Variants in RTN4R observed in about 807,000 individuals in gnomAD.
RTN4R encodes reticulon 4 receptor.
In RTN4R, 4 loss-of-function variants were observed where a neutral mutation model predicts 27.7. That is an observed-to-expected ratio of 0.14 (90% confidence interval 0.07 to 0.33). RTN4R has a LOEUF of 0.33. Ranked by LOEUF, RTN4R falls within the 10% of genes least tolerant of loss-of-function variation. The probability of loss-of-function intolerance (pLI) is 1.00; values close to 1 mark genes in which losing one functional copy is unlikely to be tolerated. For synonymous variants in RTN4R, 290 were observed against 305.6 expected (o/e 0.95, Z 0.53); for missense variants, 554 against 671.5 (o/e 0.83, Z 1.93).
intron 1 of RTN4R, chr22:20,243,592 T>G: frequency 2.3e-6 from 1 of 431,004 alleles, no homozygotes; most frequent in Non-Finnish European, 4.8e-6. Context: ...GGCGCCTGGA[T>G]GCCCGAGGGC....
chr22:20,241,928 C>G lies in RTN4R; in HGVS notation c.1205G>C (p.Gly402Ala). 1 of 1,605,924 alleles carries G rather than the reference C, an allele frequency of 6.2e-7. No individual in the cohort carries two copies. Among genetic ancestry groups the G allele is most frequent in the Non-Finnish European group, 8.5e-7 (1 of 1,177,480 alleles). The change falls in exon 2 of 2, where the codon GGC becomes GCC. Residue 402 changes from glycine (G) to alanine (A), a missense_variant. Coordinates refer to ENST00000043402, the MANE Select transcript of RTN4R (RefSeq NM_023004.6). ...GGTGGGGAACCCTGGTGGCTCGGAG[C>G]CCTCGGGCCGCACTGCAGTGAGCGG... ...EPPLTAVRPE[G>A]SEPPGFPTSG...
intron 1 of RTN4R, 39 bp from the exon 2 acceptor site, chr22:20,243,149 G>T: frequency 6.3e-7 from 1 of 1,584,310 alleles, no homozygotes; most frequent in South Asian, 1.1e-5. Flanking sequence ...GGAAGGGCAG[G>T]GGTACTGGAG....
At chr22:20,245,131 T>C (rs1024738871) in intron 1 of RTN4R, among the ~76,000 whole-genome samples, 2 of 152,136 alleles carry the variant, frequency 1.3e-5, no homozygotes, top group Admixed American at 6.5e-5. Flanking sequence ...GTGCCAGAAC[T>C]GAGCCACACG....
At chr22:20,258,550 G>A (rs887038245) in intron 1 of RTN4R, among the ~76,000 whole-genome samples, 3 of 152,230 alleles carry the variant, frequency 2.0e-5, no homozygotes, top group African/African-American at 7.2e-5. Flanking sequence ...TGGGCCTGGG[G>A]TAGCCCCTTG....
intron 1 of RTN4R, among the ~76,000 whole-genome samples, chr22:20,264,928 CG>C (rs1234155571): frequency 6.6e-6 from 1 of 152,190 alleles, no homozygotes; most frequent in African/African-American, 2.4e-5. Context: ...GTGCCAGGGC[CG>C]GGCGGGGCGC....
Position 20,242,970 on chromosome 22 carries a change from T to A in RTN4R, c.163A>T (p.Ile55Phe), listed in dbSNP as rs748137164. ...QQGLQAVPVG[I>F]PAASQRIFLH... ...AAGATGCGCTGGCTGGCAGCAGGGA[T>A]GCCCACGGGCACAGCCTGCAGGCCC... Residue 55 changes from isoleucine to phenylalanine, a missense_variant, in exon 2 of 2, where the codon ATC (isoleucine) becomes TTC (phenylalanine). Ile to Phe is a conservative substitution (Grantham distance 21, BLOSUM62 0). Coordinates refer to ENST00000043402, the MANE Select transcript of RTN4R (RefSeq NM_023004.6). The A allele has an allele frequency of 6.2e-7, 1 of 1,611,802 alleles. No individual in the cohort carries two copies.
chr22:20,258,287 C>T (rs568383696), intron 1 of RTN4R, among the ~76,000 whole-genome samples: 1 of 152,320 alleles, frequency 6.6e-6, no homozygotes, highest in South Asian at 2.1e-4. Flanking sequence ...TATTCCCAGA[C>T]ACACTTCCTC....
In RTN4R at chr22:20,242,171, G is replaced by T. The variant is rs141887267; in HGVS notation, c.962C>A (p.Thr321Asn). The T allele has an allele frequency of 1.9e-6, 3 of 1,611,640 alleles. No individual in the cohort carries two copies. In the South Asian group the frequency reaches 3.3e-5, roughly 18 times the overall value. Reference sequence around the variant, plus strand: ...CGGCTCCTCATCGGTGGCCCTGCCGGTCCAGATGGGATGGTAAGGGCCGGT... The same window carrying T: ...CGGCTCCTCATCGGTGGCCCTGCCGTTCCAGATGGGATGGTAAGGGCCGGT... ...VATGPYHPIW[T>N]GRATDEEPLG... Residue 321 changes from threonine to asparagine, a missense_variant, in exon 2 of 2, where the codon ACC becomes AAC. This residue lies in a region of RTN4R where 413 missense variants were observed against 542.3 expected (regional missense o/e 0.76). Transcript: ENST00000043402.
At chr22:20,244,538 G>A (rs1292604774) in intron 1 of RTN4R, among the ~76,000 whole-genome samples, 2 of 152,228 alleles carry the variant, frequency 1.3e-5, no homozygotes, top group African/African-American at 4.8e-5. Context: ...TTGGCTACCA[G>A]GGAGATGGCA....
Position 20,255,291 on chromosome 22 carries a change from G to A in RTN4R, c.23-12181C>T, listed in dbSNP as rs1194474566. On this transcript the variant is annotated intron_variant, in intron 1 of 1. Coordinates refer to ENST00000043402, the MANE Select transcript of RTN4R (RefSeq NM_023004.6). This position sits in a 1 kb window ranked among gnomAD's most constrained non-coding sequence, Gnocchi z 4.8. Reference sequence around the variant, plus strand: ...TAAATAAAAAGAAAAAAAAGAAAGTGTATCTTCCAGAAGGTGGAGACAAAT... The same window carrying A: ...TAAATAAAAAGAAAAAAAAGAAAGTATATCTTCCAGAAGGTGGAGACAAAT... Among the ~76,000 whole-genome samples the A allele has an allele frequency of 3.3e-5, 5 of 152,228 alleles. No individual in the cohort carries two copies. Among genetic ancestry groups the A allele is most frequent in the African/African-American group, 1.2e-4 (5 of 41,462 alleles).
At chr22:20,268,003 G>A in intron 1 of RTN4R, 68 bp downstream of exon 1, 1 of 965,310 alleles carries the variant, frequency 1.0e-6, no homozygotes, top group Non-Finnish European at 1.3e-6. Context: ...GCGGCTCCGG[G>A]GAGGGGGCGA....
intron 1 of RTN4R, among the ~76,000 whole-genome samples, chr22:20,264,819 G>T (rs1036799964): frequency 6.6e-6 from 1 of 152,216 alleles, no homozygotes; most frequent in Non-Finnish European, 1.5e-5. Flanking sequence ...AGGCAGACCA[G>T]CCTGGGGGTC....
chr22:20,258,323 A>C (rs2051224167), intron 1 of RTN4R, among the ~76,000 whole-genome samples: 1 of 149,990 alleles, frequency 6.7e-6, no homozygotes, highest in Non-Finnish European at 1.5e-5. Flanking sequence ...CCCCAGCCCC[A>C]CCCCTGCCAC....
At chr22:20,263,578 G>A (rs1483658021) in intron 1 of RTN4R, among the ~76,000 whole-genome samples, 1 of 152,380 alleles carries the variant, frequency 6.6e-6, no homozygotes, top group African/African-American at 2.4e-5. Context: ...GCCCAGGGCA[G>A]GCTGCTCTGA....
At chr22:20,257,973 T>C (rs903604770) in intron 1 of RTN4R, among the ~76,000 whole-genome samples, 3 of 152,084 alleles carry the variant, frequency 2.0e-5, no homozygotes, top group African/African-American at 7.2e-5. Flanking sequence ...CAGAACTGCT[T>C]CCCTCAGTTG....
intron 1 of RTN4R, among the ~76,000 whole-genome samples, chr22:20,246,121 G>A (rs1248943899): frequency 1.3e-5 from 2 of 152,230 alleles, no homozygotes; most frequent in Non-Finnish European, 2.9e-5. Context: ...TGTCAGGGCT[G>A]GGTCATAGCT....
At chr22:20,252,871 C>G (rs1014845665) in intron 1 of RTN4R, among the ~76,000 whole-genome samples, 1 of 152,152 alleles carries the variant, frequency 6.6e-6, no homozygotes, top group African/African-American at 2.4e-5. Context: ...GTCCCCACAC[C>G]AGTGATGTGA....
rs1569044614 is a variant in RTN4R, at chr22:20,268,296, CGAGGG to C, written c.-209_-205del. 13 of 1,074 alleles carry C rather than the reference CGAGGG, an allele frequency of 0.012. No homozygotes were observed. Among genetic ancestry groups the C allele is most frequent in the Non-Finnish European group, 0.019 (9 of 464 alleles). 0.1% of individuals were successfully genotyped at this position (1,074 alleles called of 1,614,324 possible). A position where few individuals can be genotyped will look rare whatever the true frequency, so the allele number is the denominator to read the frequency against. ...CGCAGGGCGCGCAGGGCGCACAGGG[CGAGGG>C]CGGCGGCGGCGCGGGGGTTGGGGCG... On this transcript the variant is annotated 5_prime_UTR_variant, in exon 1 of 2. Coordinates refer to ENST00000043402, the MANE Select transcript of RTN4R (RefSeq NM_023004.6).
At chr22:20,260,579 C>T (rs940422084) in intron 1 of RTN4R, among the ~76,000 whole-genome samples, 8 of 152,160 alleles carry the variant, frequency 5.3e-5, no homozygotes, top group African/African-American at 1.9e-4. Flanking sequence ...TGGCCAGGCC[C>T]GGGTGAGTGA....
Sources: allele counts gnomAD v4.1 joint callset (sites outside exome capture counted in the v4.1 genomes callset), GRCh38; gene constraint gnomAD v4.1.1; regional missense constraint gnomAD v4.1.1; non-coding constraint Gnocchi (gnomAD v3.1); transcripts MANE v1.5; gene names NCBI Gene and HGNC (gene_info 2026-07-23, HGNC 2026-07-21).